The following SIGLECL1 variants were observed in gnomAD, a reference collection of about 807,000 sequenced individuals.
SIGLECL1 encodes the protein SIGLEC family like 1, also known as SIGLEC family-like protein 1.
Under a neutral mutation model 19.1 loss-of-function variants are expected in SIGLECL1, and 16 were observed. That is an observed-to-expected ratio of 0.84 (90% CI 0.57 to 1.27). The LOEUF is 1.27. Ranked by LOEUF, SIGLECL1 falls within the 50% of genes most tolerant of loss-of-function variation. The pLI, the probability that SIGLECL1 is intolerant of heterozygous loss-of-function variation, is 0.00. For synonymous variants in SIGLECL1, 89 were observed against 90.4 expected, an observed-to-expected ratio of 0.98 and a Z score of 0.09; for missense variants, 210 against 239.4, an observed-to-expected ratio of 0.88 and a Z score of 0.81.
At chr19:51,247,344 G>A (rs761382427), upstream of SIGLECL1, among the ~76,000 whole-genome samples, 2 of 152,184 alleles carry the variant, frequency 1.3e-5, no homozygotes, top group South Asian at 2.1e-4. Flanking sequence ...TTCCTCCTCT[G>A]TATTCACATA....
chr19:51,253,201 T>C (rs1353490072), intron 1 of SIGLECL1, among the ~76,000 whole-genome samples: 2 of 152,166 alleles, frequency 1.3e-5, no homozygotes, highest in Non-Finnish European at 2.9e-5. Context: ...TTTTGATTGC[T>C]TACCAAATGT....
intron 1 of SIGLECL1, among the ~76,000 whole-genome samples, chr19:51,253,382 A>T (rs1049271162): frequency 7.3e-6 from 1 of 136,640 alleles, no homozygotes; most frequent in African/African-American, 3.4e-5. Context: ...TTTAAAATTT[A>T]AAAAAAAGAG....
chr19:51,263,899 G>C lies in SIGLECL1; in HGVS notation c.-174G>C, dbSNP rs1812324631. The C allele has an allele frequency of 1.3e-5, 9 of 679,742 alleles. No homozygotes were observed. Among genetic ancestry groups the C allele is most frequent in the Non-Finnish European group, 1.9e-5 (8 of 412,598 alleles). The allele number at this position is 679,742 out of a possible 1,614,324, so 42.1% of individuals were successfully genotyped here. On this transcript the variant is annotated 5_prime_UTR_variant, in exon 2 of 6. Coordinates refer to ENST00000601727, the MANE Select transcript of SIGLECL1 (RefSeq NM_001385465.1). The stretch of plus-strand genomic sequence containing the variant: ...CTTCTCCAGGTGAACAGGCCTTCAC[G>C]ATGACCAGAGACAGAAGCCCCTGAC...
intron 5 of SIGLECL1, among the ~76,000 whole-genome samples, chr19:51,267,846 T>C (rs1299106547): frequency 1.3e-5 from 2 of 152,142 alleles, no homozygotes; most frequent in African/African-American, 4.8e-5. Flanking sequence ...AACCAAGGAT[T>C]TGGCCTCTGA....
chr19:51,262,488 C>G (rs565070716), intron 1 of SIGLECL1, among the ~76,000 whole-genome samples: 9 of 152,274 alleles, frequency 5.9e-5, no homozygotes, highest in African/African-American at 2.2e-4. Context: ...TTAAATGAAA[C>G]ATCATTAAAA....
upstream of SIGLECL1, among the ~76,000 whole-genome samples, chr19:51,250,067 T>A (rs1158148355): frequency 1.3e-5 from 2 of 150,442 alleles, no homozygotes; most frequent in Admixed American, 6.6e-5. Context: ...TTGGTTTTGG[T>A]GGGATTTGGC....
At chr19:51,257,985 G>A (rs1348990769) in intron 1 of SIGLECL1, 1 of 152,246 alleles carries the variant, frequency 6.6e-6, no homozygotes, top group Non-Finnish European at 1.5e-5. Context: ...TGACTCCACA[G>A]GGAGAGGATA....
intron 1 of SIGLECL1, among the ~76,000 whole-genome samples, chr19:51,258,423 GCAAA>G (rs1568443485): frequency 6.6e-6 from 1 of 152,224 alleles, no homozygotes; most frequent in Non-Finnish European, 1.5e-5. Flanking sequence ...CAGCTGTTCT[GCAAA>G]CAGTTACAGG....
intron 1 of SIGLECL1, among the ~76,000 whole-genome samples, chr19:51,261,907 C>T (rs530875854): frequency 1.3e-5 from 2 of 152,228 alleles, no homozygotes; most frequent in African/African-American, 4.8e-5. Context: ...AGTAAGTATA[C>T]AACTCAAATT....
At chr19:51,249,445 T>C (rs1982368515), upstream of SIGLECL1, among the ~76,000 whole-genome samples, 1 of 150,350 alleles carries the variant, frequency 6.7e-6, no homozygotes, top group Non-Finnish European at 1.5e-5. Context: ...GTGAACATCA[T>C]CCTTCAGTCT....
chr19:51,257,723 A>C (rs757594528), intron 1 of SIGLECL1: 12 of 152,202 alleles, frequency 7.9e-5, no homozygotes, highest in Non-Finnish European at 1.6e-4. Context: ...TAATGTTAAC[A>C]ATGTGATTTA....
upstream of SIGLECL1, among the ~76,000 whole-genome samples, chr19:51,249,967 T>G (rs374734541): frequency 1.3e-5 from 2 of 152,198 alleles, no homozygotes; most frequent in Admixed American, 1.3e-4. Flanking sequence ...ATAGTGTAAC[T>G]TCCTGACGTT....
chr19:51,265,460 T>C lies in SIGLECL1; in HGVS notation c.115T>C (p.Trp39Arg). 1 of 1,614,068 alleles carries C rather than the reference T, an allele frequency of 6.2e-7. No homozygotes were observed. The highest frequency in any genetic ancestry group is 1.1e-5 in the South Asian group (1 of 91,076). Residue 39 changes from tryptophan to arginine, a missense_variant, in exon 3 of 6, where the codon TGG becomes CGG. By Grantham distance (101) the Trp-to-Arg change is moderately radical (BLOSUM62 -3). Transcript: ENST00000601727. ...FHGIPTPSVQWWMGGVPVGVD... is the reference protein window; with the variant it reads ...FHGIPTPSVQRWMGGVPVGVD... ...TGGGATTCCCACACCCTCTGTGCAG[T>C]GGTGGATGGGAGGAGTCCCCGTGGG...
Position 51,265,535 on chromosome 19 carries a change from C to A in SIGLECL1, c.190C>A (p.Pro64Thr). ...SLQVTSTMLG[P>T]WANSTISLTE... ...CCAAGTGACTTCCACCATGCTTGGC[C>A]CCTGGGCTAACAGCACCATCAGCCT... The change falls in exon 3 of 6, where the codon CCC becomes ACC. Residue 64 changes from proline to threonine, a missense_variant. By Grantham distance (38) the Pro-to-Thr change is conservative. Transcript: ENST00000601727. 1 of 1,614,106 alleles carries A rather than the reference C, an allele frequency of 6.2e-7. No homozygotes were observed.
At chr19:51,252,767 G>A (rs180711394) in intron 1 of SIGLECL1, among the ~76,000 whole-genome samples, 25 of 152,172 alleles carry the variant, frequency 1.6e-4, no homozygotes, top group African/African-American at 5.5e-4. Flanking sequence ...AAAACATGCC[G>A]AAATATGGAA....
chr19:51,247,957 C>T (rs1423006569), upstream of SIGLECL1, among the ~76,000 whole-genome samples: 1 of 152,154 alleles, frequency 6.6e-6, no homozygotes, highest in Non-Finnish European at 1.5e-5. Flanking sequence ...ACTTTTCCTG[C>T]ATGCCTACTA....
In SIGLECL1 at chr19:51,261,312, G is replaced by A. The variant is rs370463852; in HGVS notation, c.-190-2571G>A. Among the ~76,000 whole-genome samples, 63 of 151,914 alleles carry A rather than the reference G, an allele frequency of 4.1e-4. 2 individuals carry two copies. The South Asian group carries it at 7.1e-3, about 17-fold the overall frequency. ...TTTTCTTTTTTTCTTTTTTTGAGAC[G>A]GAGTCTTGCTCTGTCGCCCAGGCTG... is the stretch of plus-strand genomic sequence containing the variant. On this transcript the variant is annotated intron_variant, in intron 1 of 5. Coordinates refer to ENST00000601727, the MANE Select transcript of SIGLECL1 (RefSeq NM_001385465.1).
chr19:51,265,467 T>C lies in SIGLECL1; in HGVS notation c.122T>C (p.Met41Thr), dbSNP rs1489598090. 1 of 1,614,126 alleles carries C rather than the reference T, an allele frequency of 6.2e-7. No individual in the cohort carries two copies. Among genetic ancestry groups the C allele is most frequent in the Admixed American group, 1.7e-5 (1 of 60,014 alleles). ...GIPTPSVQWWMGGVPVGVDGM... is the reference protein window; with the variant it reads ...GIPTPSVQWWTGGVPVGVDGM... ...CCCACACCCTCTGTGCAGTGGTGGA[T>C]GGGAGGAGTCCCCGTGGGTGTGGAT... Residue 41 changes from methionine to threonine, a missense_variant, in exon 3 of 6, where the codon ATG (methionine) becomes ACG (threonine). Met to Thr is a moderately conservative substitution (Grantham distance 81). Transcript: ENST00000601727.
chr19:51,253,060 G>A (rs1006798578), intron 1 of SIGLECL1, among the ~76,000 whole-genome samples: 3 of 151,944 alleles, frequency 2.0e-5, no homozygotes, highest in African/African-American at 4.8e-5. Context: ...CTGGAAAGTC[G>A]AGGCTGCAGT....
Sources: gnomAD v4.1 joint callset for allele counts (sites outside exome capture counted in the v4.1 genomes callset) on GRCh38, gnomAD v4.1.1 for gene constraint, MANE v1.5 for transcripts, NCBI Gene and HGNC (gene_info 2026-07-23, HGNC 2026-07-21) for gene names.